The following CHIT1 variants were observed in gnomAD, a reference collection of about 807,000 sequenced individuals.
CHIT1 encodes chitinase 1.
Under a neutral mutation model 52.0 loss-of-function variants are expected in CHIT1, and 47 were observed. The ratio of observed to expected loss-of-function variants is 0.90; its 90% CI spans 0.71 to 1.15. The LOEUF is 1.15. Among genes scored for constraint, CHIT1 ranks in the 50% most tolerant of loss-of-function variants. CHIT1 has a pLI of 0.00. For synonymous variants in CHIT1, 242 were observed against 228.2 expected, an observed-to-expected ratio of 1.06 and a Z score of -0.54; for missense variants, 569 against 583.0, an observed-to-expected ratio of 0.98 and a Z score of 0.25.
In CHIT1 at chr1:203,216,995, C is replaced by T. The variant is rs202003206; in HGVS notation, c.1295G>A (p.Arg432Gln). Residue 432 changes from arginine to glutamine, a missense_variant, in exon 11 of 11, where the codon CGG becomes CAG. By Grantham distance (43) the Arg-to-Gln change is conservative. Coordinates refer to ENST00000367229, the MANE Select transcript of CHIT1 (RefSeq NM_003465.3). Reference protein sequence around the residue: ...GKADGLYPNPRERSSFYSCAA... With the variant: ...GKADGLYPNPQERSSFYSCAA... ...ACAGCTGTAGAAGCTGGACCGTTCC[C>T]GAGGATTGGGATAGAGCCCATCAGC... 1.2e-4 allele frequency: 189 copies of T among 1,614,172 alleles called. No individual in the cohort carries two copies. The East Asian group carries it at 3.8e-3, about 32-fold the overall frequency.
Position 203,223,620 on chromosome 1 carries a change from A to C in CHIT1, c.355T>G (p.Phe119Val). The change falls in exon 5 of 11, where the codon TTT becomes GTT. Residue 119 changes from phenylalanine (F) to valine (V), a missense_variant. Phe to Val is a conservative substitution (Grantham distance 50). Transcript: ENST00000367229. ...AGAAACCTGATGGCCGAGTTGACAAAGGTCTGACGGTTGTTGGCCGTGGCT... is the reference window on the plus strand; with the variant it reads ...AGAAACCTGATGGCCGAGTTGACAACGGTCTGACGGTTGTTGGCCGTGGCT... The part of the protein sequence containing the change: ...MVATANNRQT[F>V]VNSAIRFLRK... 1 of 1,614,224 alleles carries C rather than the reference A, an allele frequency of 6.2e-7. No individual in the cohort carries two copies. The highest frequency in any genetic ancestry group is 8.5e-7 in the Non-Finnish European group (1 of 1,180,034).
rs567517935 is a variant in CHIT1, at chr1:203,222,065, G to A, written c.729+137C>T. The A allele has an allele frequency of 1.3e-4, 170 of 1,272,912 alleles. 2 individuals carry two copies. The South Asian group carries it at 1.4e-3, about 11-fold the overall frequency. 78.9% of individuals were successfully genotyped at this position (1,272,912 alleles called of 1,614,324 possible). On this transcript the variant is annotated intron_variant, in intron 7 of 10. Transcript: ENST00000367229. ...CAGGAAAATAGAACAAAACAAGCAAGCAAAGAAACAAAAAAGCTTCTTGTT... is the reference window on the plus strand; with the variant it reads ...CAGGAAAATAGAACAAAACAAGCAAACAAAGAAACAAAAAAGCTTCTTGTT...
Position 203,226,072 on chromosome 1 carries a change from A to G in CHIT1, c.56-202T>C, listed in dbSNP as rs546485071. ...GGGAAAGCATTTTCAGAGGCCAGAC[A>G]TGGGATCCTCAGAACACTGAGTGGG... On this transcript the variant is annotated intron_variant, in intron 2 of 10. Coordinates refer to ENST00000367229, the MANE Select transcript of CHIT1 (RefSeq NM_003465.3). Among the ~76,000 whole-genome samples the G allele has an allele frequency of 7.8e-4, 119 of 152,320 alleles. 1 individual carries two copies. The highest frequency in any genetic ancestry group is 4.6e-3 in the Admixed American group (71 of 15,300).
chr1:203,222,175 C>A (rs1343422703), intron 7 of CHIT1, 27 bp downstream of exon 7: 2 of 1,613,110 alleles, frequency 1.2e-6, no homozygotes, highest in African/African-American at 2.7e-5. Flanking sequence ...CAGGGGAGTC[C>A]TGCCTCAGCC....
At chr1:203,219,955 T>G (rs1367442742) in intron 7 of CHIT1, 106 bp from the exon 8 acceptor site, 2 of 1,365,514 alleles carry the variant, frequency 1.5e-6, no homozygotes, top group Non-Finnish European at 2.0e-6. Flanking sequence ...GCTCCTCAGC[T>G]GGAGCTCTAC....
At chr1:203,227,283 C>G (rs1321308408) in intron 2 of CHIT1, among the ~76,000 whole-genome samples, 1 of 152,014 alleles carries the variant, frequency 6.6e-6, no homozygotes, top group African/African-American at 2.4e-5. Context: ...TGGGGTGTAG[C>G]CTGCAATGAT....
chr1:203,229,507 C>T (rs1203459333), intron 1 of CHIT1, 105 bp downstream of exon 1: 2 of 1,351,522 alleles, frequency 1.5e-6, no homozygotes, highest in African/African-American at 1.4e-5. Context: ...TGAAGTTCTC[C>T]TGAGTCCTCC....
chr1:203,225,844 A>C lies in CHIT1; in HGVS notation c.82T>G (p.Phe28Val). The C allele has an allele frequency of 6.2e-7, 1 of 1,614,186 alleles. No individual in the cohort carries two copies. The highest frequency in any genetic ancestry group is 8.5e-7 in the Non-Finnish European group (1 of 1,180,026). The change falls in exon 3 of 11, where the codon TTC becomes GTC. Residue 28 changes from phenylalanine (F) to valine (V), a missense_variant. Transcript: ENST00000367229. Reference sequence around the variant, plus strand: ...TGTCTGTACTGGGCCCAGTTGGTGAAGTAGCAGACCAGTTTTGCAGCAGAG... The same window carrying C: ...TGTCTGTACTGGGCCCAGTTGGTGACGTAGCAGACCAGTTTTGCAGCAGAG... ...WGSAAKLVCY[F>V]TNWAQYRQGE... is the part of the protein sequence containing the mutation.
chr1:203,219,768 A>C lies in CHIT1; in HGVS notation c.811T>G (p.Phe271Val). 1.2e-6 allele frequency: 2 copies of C among 1,613,614 alleles called. No homozygotes were observed. Among genetic ancestry groups the C allele is most frequent in the Non-Finnish European group, 1.7e-6 (2 of 1,179,968 alleles). ...ILGMPTYGRS[F>V]TLASSSDTRV... The stretch of plus-strand genomic sequence containing the variant: ...GTGTCTGATGAGGAGGCCAGTGTGA[A>C]GGAGCGTCCGTAGGTAGGCATGCCA... The change falls in exon 8 of 11, where the codon TTC becomes GTC. Residue 271 changes from phenylalanine to valine, a missense_variant. Transcript: ENST00000367229.
At chr1:203,217,660 C>T in intron 10 of CHIT1, 79 bp downstream of exon 10, 1 of 1,606,720 alleles carries the variant, frequency 6.2e-7, no homozygotes, top group East Asian at 2.2e-5. Context: ...GACCCGGGAC[C>T]TACAGTTCAT....
At position 203,225,058 on chromosome 1, in the gene CHIT1, C is replaced by T. The variant is rs2297950; in HGVS notation, c.304G>A (p.Gly102Ser). 485,234 of 1,611,948 alleles carry T rather than the reference C, an allele frequency of 0.3. 73,780 individuals are homozygous for T. Among genetic ancestry groups the T allele is most frequent in the Admixed American group, 0.35 (20,734 of 59,916 alleles). ...TLLAIGGWNFGTQKFTDMVAT... is the reference protein window; with the variant it reads ...TLLAIGGWNFSTQKFTDMVAT... ...CCACAGTCAACTAACTTCTGAGTGC[C>T]GAAATTCCAGCCTCCGATGGCTAAC... is the stretch of plus-strand genomic sequence containing the variant. Residue 102 changes from glycine to serine, a missense_variant, in exon 4 of 11, where the codon GGC (glycine) becomes AGC (serine). Transcript: ENST00000367229.
Position 203,223,142 on chromosome 1 carries a change from T to A in CHIT1, c.598A>T (p.Ile200Phe). ...YVDAGYEVDK[I>F]AQNLDFVNLM... is the part of the protein sequence containing the mutation. Reference sequence around the variant, plus strand: ...CATCTGCCTGAGACTCACTGGGCGATTTTGTCCACCTCGTATCCAGCATCC... The same window carrying A: ...CATCTGCCTGAGACTCACTGGGCGAATTTGTCCACCTCGTATCCAGCATCC... Residue 200 changes from isoleucine to phenylalanine, a missense_variant, in exon 6 of 11, where the codon ATC (isoleucine) becomes TTC (phenylalanine). Transcript: ENST00000367229. The A allele has an allele frequency of 6.2e-7, 1 of 1,614,128 alleles. No individual in the cohort carries two copies. Among genetic ancestry groups the A allele is most frequent in the Non-Finnish European group, 8.5e-7 (1 of 1,180,020 alleles).
At chr1:203,217,377 A>T in intron 10 of CHIT1, 1 of 1,502,426 alleles carries the variant, frequency 6.7e-7, no homozygotes, top group South Asian at 1.2e-5. Context: ...ACCCATCTGC[A>T]AGCACAACCA....
intron 10 of CHIT1, chr1:203,217,386 C>T (rs1337346248): frequency 1.4e-5 from 21 of 1,499,768 alleles, no homozygotes; most frequent in Admixed American, 1.2e-4. Context: ...CAAGCACAAC[C>T]ATATACTGCT....
At chr1:203,218,857 A>T (rs1198891980) in intron 9 of CHIT1, among the ~76,000 whole-genome samples, 2 of 152,234 alleles carry the variant, frequency 1.3e-5, no homozygotes, top group East Asian at 3.8e-4. Context: ...AGGGGGTCCT[A>T]TAAGTAAAGC....
intron 2 of CHIT1, among the ~76,000 whole-genome samples, chr1:203,227,855 G>A (rs1656981592): frequency 6.6e-6 from 1 of 152,176 alleles, no homozygotes; most frequent in Non-Finnish European, 1.5e-5. Flanking sequence ...AGAGGGAAAT[G>A]TACCTCCAAT....
In CHIT1 at chr1:203,217,875, G is replaced by A; in HGVS notation, c.1030-10C>T. ...GCTTCAGATAGCTGACCTGTGCAGGGAGGGGATGCAGTGGAGGAGCCCGGG... is the reference window on the plus strand; with the variant it reads ...GCTTCAGATAGCTGACCTGTGCAGGAAGGGGATGCAGTGGAGGAGCCCGGG... On this transcript the variant is annotated splice_polypyrimidine_tract_variant and intron_variant, in intron 9 of 10. Transcript: ENST00000367229. 7.5e-7 allele frequency: 1 copy of A among 1,334,148 alleles called. No individual in the cohort carries two copies. The highest frequency in any genetic ancestry group is 9.9e-7 in the Non-Finnish European group (1 of 1,009,136). The allele number at this position is 1,334,148 out of a possible 1,614,324, so 82.6% of individuals were successfully genotyped here. A position where few individuals can be genotyped will look rare whatever the true frequency, so the allele number is the denominator to read the frequency against.
Position 203,225,701 on chromosome 1 carries a change from A to G in CHIT1, c.225T>C (p.Thr75=). The change falls in exon 3 of 11, where the codon ACT becomes ACC. Residue 75 remains threonine (T), a synonymous_variant. Coordinates refer to ENST00000367229, the MANE Select transcript of CHIT1 (RefSeq NM_003465.3). ...QLSTTEWNDE[T]LYQEFNGLKK... ...TCAGGCCATTGAACTCCTGGTAGAG[A>G]GTCTCGTCATTCCACTCAGTGGTGC... 6.2e-7 allele frequency: 1 copy of G among 1,613,922 alleles called. No homozygotes were observed. Among genetic ancestry groups the G allele is most frequent in the Non-Finnish European group, 8.5e-7 (1 of 1,179,966 alleles).
chr1:203,219,637 A>C, intron 8 of CHIT1, 27 bp downstream of exon 8: 1 of 1,613,218 alleles, frequency 6.2e-7, no homozygotes, highest in Non-Finnish European at 8.5e-7. Flanking sequence ...CCCTCACAAT[A>C]CCCAGGGTGG....
Sources: allele counts gnomAD v4.1 joint callset (sites outside exome capture counted in the v4.1 genomes callset), GRCh38; gene constraint gnomAD v4.1.1; transcripts MANE v1.5; gene names NCBI Gene and HGNC (gene_info 2026-07-23, HGNC 2026-07-21).